The following MGRN1 variants were observed in gnomAD, a reference collection of about 807,000 sequenced individuals.
The protein encoded by MGRN1 is E3 ubiquitin-protein ligase MGRN1.
Under a neutral mutation model 69.2 loss-of-function variants are expected in MGRN1, and 29 were observed. That is an observed-to-expected ratio of 0.42 (90% confidence interval 0.31 to 0.57). MGRN1 has a LOEUF of 0.57. Among genes scored for constraint, MGRN1 ranks in the 20% least tolerant of loss-of-function variants. The probability of loss-of-function intolerance (pLI) is 0.15; values close to 1 mark genes in which losing one functional copy is unlikely to be tolerated. For missense variants in MGRN1, 998 were observed against 796.2 expected (o/e 1.25, Z -3.05); for synonymous variants, 470 against 344.2 (o/e 1.37, Z -4.04).
At chr16:4,646,531 G>A (rs2078278090) in intron 1 of MGRN1, among the ~76,000 whole-genome samples, 1 of 152,206 alleles carries the variant, frequency 6.6e-6, no homozygotes, top group East Asian at 1.9e-4. Context: ...TGGGTTTAGC[G>A]GGAGGCCTCA....
chr16:4,685,203 C>T (rs1276063316), intron 16 of MGRN1, among the ~76,000 whole-genome samples: 1 of 152,152 alleles, frequency 6.6e-6, no homozygotes, highest in East Asian at 1.9e-4. Flanking sequence ...TGATTAAAAA[C>T]TTGGGGGGTG....
intron 2 of MGRN1, among the ~76,000 whole-genome samples, chr16:4,651,535 G>T (rs1223850210): frequency 6.6e-6 from 1 of 152,192 alleles, no homozygotes; most frequent in African/African-American, 2.4e-5. Context: ...GGCCTCAGGG[G>T]ACAGGAGGCC....
chr16:4,639,926 C>T (rs941726569), intron 1 of MGRN1: 1 of 152,354 alleles, frequency 6.6e-6, no homozygotes, highest in Admixed American at 6.5e-5. Flanking sequence ...TACTCATCTG[C>T]CCTCCACGCT....
chr16:4,649,105 C>G (rs2078345199), intron 1 of MGRN1: 1 of 152,718 alleles, frequency 6.5e-6, no homozygotes, highest in Admixed American at 6.5e-5. Flanking sequence ...GCGCAGATCT[C>G]ATGCCTAAGT....
At chr16:4,667,680 G>T (rs533464498) in intron 7 of MGRN1, among the ~76,000 whole-genome samples, 2 of 152,230 alleles carry the variant, frequency 1.3e-5, no homozygotes, top group African/African-American at 4.8e-5. Flanking sequence ...GTGTTGTTGC[G>T]AGGTCTCCGA....
rs529922500 is a variant in MGRN1 at position 4,657,360 on chromosome 16, C to T, written c.558C>T (p.Asp186=). Residue 186 remains aspartate (D), a synonymous_variant, in exon 5 of 17, where the codon GAC becomes GAT. Transcript: ENST00000262370. ...TTGACTTCTCGGAATGGAAGGATGA[C>T]GAGGTAATGCTGGCTGGGCGGCTCC... ...FKIDFSEWKD[D]ELNFDLDRGV... The T allele has an allele frequency of 5.0e-5, 80 of 1,613,524 alleles. No homozygotes were observed. The East Asian group carries it at 8.0e-4, about 16-fold the overall frequency.
chr16:4,639,279 C>T (rs536362359), intron 1 of MGRN1, among the ~76,000 whole-genome samples: 49 of 152,162 alleles, frequency 3.2e-4, no homozygotes, highest in African/African-American at 6.0e-4. Flanking sequence ...AGGAGAATGG[C>T]GGCGGGAGCG....
At chr16:4,683,315 C>T (rs779916745) in intron 15 of MGRN1, 46 bp downstream of exon 15, 4 of 1,607,410 alleles carry the variant, frequency 2.5e-6, no homozygotes, top group Middle Eastern at 3.3e-4. Context: ...AGGGACCAGG[C>T]AGCCCTGGCT....
At chr16:4,684,628 C>T (rs966557152) in intron 16 of MGRN1, among the ~76,000 whole-genome samples, 2 of 152,276 alleles carry the variant, frequency 1.3e-5, no homozygotes, top group Admixed American at 6.5e-5. Flanking sequence ...CCCGGAGGCT[C>T]GGGCCCCAGA....
chr16:4,670,269 G>A (rs1478320300), intron 8 of MGRN1, among the ~76,000 whole-genome samples: 1 of 152,066 alleles, frequency 6.6e-6, no homozygotes, highest in Non-Finnish European at 1.5e-5. Flanking sequence ...TTGAGATGGA[G>A]TCTCACTCTG....
intron 2 of MGRN1, chr16:4,650,810 A>G (rs1405789159): frequency 4.6e-6 from 1 of 217,936 alleles, no homozygotes; most frequent in African/African-American, 2.3e-5. Context: ...TTACAAGGCA[A>G]AAATAGTATT....
chr16:4,648,873 T>C (rs112724055), intron 1 of MGRN1, among the ~76,000 whole-genome samples: 3,116 of 80,628 alleles, frequency 0.039, 18 homozygotes, highest in Middle Eastern at 0.11. Flanking sequence ...GCTCCTCCTC[T>C]CGGGGACTCT....
At chr16:4,687,931 A>G (rs2079370213) in intron 16 of MGRN1, 1 of 985,602 alleles carries the variant, frequency 1.0e-6, no homozygotes, top group Non-Finnish European at 1.2e-6. Flanking sequence ...AGATTGAAAC[A>G]GTCAGCACCT....
chr16:4,646,139 C>G (rs879842594), intron 1 of MGRN1, among the ~76,000 whole-genome samples: 9 of 152,024 alleles, frequency 5.9e-5, no homozygotes, highest in Non-Finnish European at 1.0e-4. Flanking sequence ...ACTCGTGAGT[C>G]CTCACTCAGG....
chr16:4,673,483 C>G lies in MGRN1; in HGVS notation c.796-15C>G, dbSNP rs370091530. The G allele has an allele frequency of 5.4e-5, 87 of 1,609,678 alleles. No homozygotes were observed. Among genetic ancestry groups the G allele is most frequent in the Non-Finnish European group, 7.1e-5 (84 of 1,179,244 alleles). ...CTTTGGGAGGCTGCTGACCCACAAG[C>G]CCTTGTCCCGGCAGCCCTCGGACGA... On this transcript the variant is annotated splice_polypyrimidine_tract_variant and intron_variant, in intron 9 of 16. Transcript: ENST00000262370.
chr16:4,624,913 C>G lies in MGRN1; in HGVS notation c.-48C>G. 6.8e-7 allele frequency: 1 copy of G among 1,470,782 alleles called. No individual in the cohort carries two copies. The highest frequency in any genetic ancestry group is 9.1e-7 in the Non-Finnish European group (1 of 1,102,224). 91.1% of individuals were successfully genotyped at this position (1,470,782 alleles called of 1,614,324 possible). On this transcript the variant is annotated 5_prime_UTR_variant, in exon 1 of 17. Coordinates refer to ENST00000262370, the MANE Select transcript of MGRN1 (RefSeq NM_015246.4). ...CCGCGTGAGGACCCCGCCGCTGTCG[C>G]CGCTCCCGTTCCGGCCCTGGCCCCT...
At chr16:4,682,406 G>A (rs1199769745) in intron 13 of MGRN1, among the ~76,000 whole-genome samples, 2 of 152,200 alleles carry the variant, frequency 1.3e-5, no homozygotes, top group East Asian at 1.9e-4. Context: ...CAGGCCTGTC[G>A]GTTCTCGTAG....
chr16:4,638,994 T>G (rs2078097098), intron 1 of MGRN1, among the ~76,000 whole-genome samples: 1 of 151,988 alleles, frequency 6.6e-6, no homozygotes, highest in Non-Finnish European at 1.5e-5. Context: ...GGCTCTGGAG[T>G]CTGCCCAGGG....
rs561570535 is a variant in MGRN1 at position 4,644,932 on chromosome 16, A to T, written c.89-5433A>T. ...TATTACAACCATTGCTTTAACAAACACTCTTCTTCCTTGTCTCTAATCTTT... is the reference window on the plus strand; with the variant it reads ...TATTACAACCATTGCTTTAACAAACTCTCTTCTTCCTTGTCTCTAATCTTT... On this transcript the variant is annotated intron_variant, in intron 1 of 16. Transcript: ENST00000262370. Among the ~76,000 whole-genome samples the T allele has an allele frequency of 1.3e-3, 200 of 151,932 alleles. 1 individual carries two copies. The highest frequency in any genetic ancestry group is 4.5e-3 in the African/African-American group (188 of 41,432).
Sources: allele counts gnomAD v4.1 joint callset (sites outside exome capture counted in the v4.1 genomes callset), GRCh38; gene constraint gnomAD v4.1.1; transcripts MANE v1.5; gene names NCBI Gene and HGNC (gene_info 2026-07-23, HGNC 2026-07-21).